Variants in RPS6KA2 observed in about 807,000 individuals in gnomAD.
The protein encoded by RPS6KA2 is ribosomal protein S6 kinase A2.
A neutral mutation model predicts 91.8 loss-of-function variants in RPS6KA2; 42 were observed. The ratio of observed to expected loss-of-function variants is 0.46; its 90% CI spans 0.36 to 0.59. The LOEUF is 0.59. Ranked by LOEUF, RPS6KA2 falls within the 20% of genes least tolerant of loss-of-function variation. The pLI, the probability that RPS6KA2 is intolerant of heterozygous loss-of-function variation, is 0.00. For synonymous variants in RPS6KA2, 414 were observed against 393.6 expected, an observed-to-expected ratio of 1.05 and a Z score of -0.61; for missense variants, 798 against 978.5, an observed-to-expected ratio of 0.82 and a Z score of 2.46.
chr6:166,810,009 C>T lies in RPS6KA2; in HGVS notation c.123+48191G>A, dbSNP rs950378620. Among the ~76,000 whole-genome samples, 7 of 152,284 alleles carry T rather than the reference C, an allele frequency of 4.6e-5. No homozygotes were observed. The South Asian group carries it at 8.3e-4, about 18-fold the overall frequency. On this transcript the variant is annotated intron_variant, in intron 2 of 21. Coordinates refer to the RPS6KA2 transcript ENST00000503859. ...AAGAAGCTTAAGTGACTCACAGTTA[C>T]GCATAACTGGAGAGGACTCAGGAAA...
intron 1 of RPS6KA2, among the ~76,000 whole-genome samples, chr6:166,605,448 A>C (rs1785917503): frequency 6.6e-6 from 1 of 152,142 alleles, no homozygotes. Context: ...GCTTATTAAG[A>C]CTTAATCCAA....
intron 2 of RPS6KA2, among the ~76,000 whole-genome samples, chr6:166,786,585 A>G (rs1373774299): frequency 6.6e-6 from 1 of 152,162 alleles, no homozygotes; most frequent in African/African-American, 2.4e-5. Flanking sequence ...TTTGTAATTT[A>G]CTTCAAACAT....
chr6:166,702,755 C>A (rs1233864698), intron 2 of RPS6KA2: 1 of 1,232,002 alleles, frequency 8.1e-7, no homozygotes, highest in Admixed American at 1.7e-5. Flanking sequence ...GGTCCCGACA[C>A]GGGGATCTTG....
At chr6:166,432,969 T>C (rs1779183486) in intron 14 of RPS6KA2, among the ~76,000 whole-genome samples, 1 of 134,992 alleles carries the variant, frequency 7.4e-6, no homozygotes, top group South Asian at 2.3e-4. Flanking sequence ...CACTCCAGCC[T>C]GGGTGACAGA....
intron 2 of RPS6KA2, among the ~76,000 whole-genome samples, chr6:166,680,529 T>C (rs1788765208): frequency 6.6e-6 from 1 of 152,200 alleles, no homozygotes; most frequent in Admixed American, 6.5e-5. Context: ...TGTGCCGCTT[T>C]TGTGAACTGT....
chr6:166,491,545 G>C (rs1477542011), intron 8 of RPS6KA2, among the ~76,000 whole-genome samples: 1 of 152,222 alleles, frequency 6.6e-6, no homozygotes, highest in East Asian at 1.9e-4. Context: ...CTGAATCTAA[G>C]TGGAATGTGC....
intron 2 of RPS6KA2, among the ~76,000 whole-genome samples, chr6:166,690,575 C>T (rs553103953): frequency 4.3e-4 from 66 of 152,302 alleles, no homozygotes; most frequent in African/African-American, 1.5e-3. Flanking sequence ...GAACTCCAGG[C>T]GTCCTCTGAC....
chr6:166,829,753 C>T (rs1780136364), intron 2 of RPS6KA2, among the ~76,000 whole-genome samples: 1 of 151,992 alleles, frequency 6.6e-6, no homozygotes, highest in Non-Finnish European at 1.5e-5. Context: ...CATCAGCAGA[C>T]GAGTGGAAGA....
chr6:166,745,610 G>GT (rs1790979875), intron 2 of RPS6KA2, among the ~76,000 whole-genome samples: 1 of 152,228 alleles, frequency 6.6e-6, no homozygotes, highest in Non-Finnish European at 1.5e-5. Context: ...CGAGGGCACA[G>GT]TTCAGCCTAT....
At chr6:166,795,576 T>A (rs1252907422) in intron 2 of RPS6KA2, among the ~76,000 whole-genome samples, 4 of 152,214 alleles carry the variant, frequency 2.6e-5, no homozygotes, top group African/African-American at 9.6e-5. Flanking sequence ...GGATTTCACT[T>A]TCCTTGTAAA....
At chr6:166,534,631 T>C (rs188285061) in intron 2 of RPS6KA2, among the ~76,000 whole-genome samples, 6 of 152,368 alleles carry the variant, frequency 3.9e-5, no homozygotes, top group Middle Eastern at 3.4e-3. Flanking sequence ...AAGTTTTGCA[T>C]AGGTCTTGAC....
At chr6:166,538,839 C>T in intron 1 of RPS6KA2, 55 bp from the exon 2 acceptor site, 2 of 898,914 alleles carry the variant, frequency 2.2e-6, no homozygotes, top group Non-Finnish European at 3.7e-6. Context: ...CTCAGAGCCG[C>T]TCACAGCTTC....
rs537750749 is a variant in RPS6KA2 at position 166,781,459 on chromosome 6, G to A, written c.123+76741C>T. Among the ~76,000 whole-genome samples the A allele has an allele frequency of 7.8e-4, 119 of 152,170 alleles. 1 individual carries two copies. The highest frequency in any genetic ancestry group is 6.3e-3 in the Middle Eastern group (2 of 316). ...CAGCTCCCAGCAGAGGCAGGACTTCGCTCTCTTTGGGTGAGAGGCACCTGG... is the reference window on the plus strand; with the variant it reads ...CAGCTCCCAGCAGAGGCAGGACTTCACTCTCTTTGGGTGAGAGGCACCTGG... On this transcript the variant is annotated intron_variant, in intron 2 of 21. Coordinates refer to the RPS6KA2 transcript ENST00000503859.
intron 1 of RPS6KA2, among the ~76,000 whole-genome samples, chr6:166,625,320 A>ACCCCCCC (rs1474972568): frequency 1.3e-4 from 3 of 22,620 alleles, no homozygotes; most frequent in African/African-American, 4.2e-4. Flanking sequence ...TCCTATTCCC[A>ACCCCCCC]CCACCCCCCC....
chr6:166,655,068 C>A (rs562564109), intron 2 of RPS6KA2, among the ~76,000 whole-genome samples: 1 of 152,282 alleles, frequency 6.6e-6, no homozygotes, highest in South Asian at 2.1e-4. Flanking sequence ...GACAACCCAC[C>A]GCAACCCCAA....
chr6:166,447,317 G>A (rs1050950191), intron 14 of RPS6KA2, among the ~76,000 whole-genome samples: 4 of 152,128 alleles, frequency 2.6e-5, no homozygotes, highest in African/African-American at 9.7e-5. Flanking sequence ...CACCCTTCCT[G>A]GATGTGTTCA....
rs1403206582 is a variant in RPS6KA2 at position 166,639,590 on chromosome 6, C to T, written c.124-100806G>A. On this transcript the variant is annotated intron_variant, in intron 2 of 21. Coordinates refer to the RPS6KA2 transcript ENST00000503859. This position sits in a 1 kb window ranked among gnomAD's most constrained non-coding sequence, Gnocchi z 4.2. ...CCTAGCCAGGCCTTCTTCCATGTTG[C>T]GTTTGCCTCTCCTCCTTCCTCCAGG... is the stretch of plus-strand genomic sequence containing the variant. Among the ~76,000 whole-genome samples the T allele has an allele frequency of 1.3e-5, 2 of 152,122 alleles. No homozygotes were observed. Among genetic ancestry groups the T allele is most frequent in the East Asian group, 1.9e-4 (1 of 5,196 alleles).
At chr6:166,428,949 G>T (rs556822740) in intron 16 of RPS6KA2, among the ~76,000 whole-genome samples, 1 of 150,936 alleles carries the variant, frequency 6.6e-6, no homozygotes, top group South Asian at 2.1e-4. Flanking sequence ...TATACCCAAA[G>T]GACTATAAAT....
chr6:166,516,395 C>T (rs968919375), intron 3 of RPS6KA2, among the ~76,000 whole-genome samples: 8 of 152,080 alleles, frequency 5.3e-5, no homozygotes, highest in East Asian at 1.9e-4. Context: ...ACAGGGCTCA[C>T]GAATGCAGGC....
Sources: allele counts gnomAD v4.1 joint callset (sites outside exome capture counted in the v4.1 genomes callset), GRCh38; gene constraint gnomAD v4.1.1; non-coding constraint Gnocchi (gnomAD v3.1); transcripts MANE v1.5; gene names NCBI Gene and HGNC (gene_info 2026-07-23, HGNC 2026-07-21).